Variants in RASGRF1 observed in about 807,000 individuals in gnomAD.
The protein encoded by RASGRF1 is ras-specific guanine nucleotide-releasing factor 1.
A neutral mutation model predicts 138.7 loss-of-function variants in RASGRF1; 40 were observed. That is an observed-to-expected ratio of 0.29 (90% confidence interval 0.22 to 0.38). The LOEUF (loss-of-function observed/expected upper bound fraction) is 0.38. RASGRF1 is among the 10% of genes least tolerant of loss of function. The pLI, the probability that RASGRF1 is intolerant of heterozygous loss-of-function variation, is 1.00. For synonymous variants in RASGRF1, 614 were observed against 663.2 expected (o/e 0.93, Z 1.14); for missense variants, 1,108 against 1,650.4 (o/e 0.67, Z 5.69).
intron 1 of RASGRF1, among the ~76,000 whole-genome samples, chr15:79,077,547 A>C (rs1187578145): frequency 6.6e-6 from 1 of 152,136 alleles, no homozygotes; most frequent in Non-Finnish European, 1.5e-5. Context: ...GGATCCAGCC[A>C]CTGTCCTGAG....
At chr15:78,995,823 G>T in intron 19 of RASGRF1, 23 bp from the exon 20 acceptor site, 1 of 1,613,576 alleles carries the variant, frequency 6.2e-7, no homozygotes, top group Non-Finnish European at 8.5e-7. Context: ...GAGAAGGCAC[G>T]GTGAGCCCCA....
intron 20 of RASGRF1, among the ~76,000 whole-genome samples, chr15:78,993,891 G>A (rs1159823019): frequency 1.3e-5 from 2 of 152,180 alleles, no homozygotes; most frequent in Admixed American, 6.5e-5. Context: ...CCTGGAAGCA[G>A]AGATCAAAAC....
chr15:79,023,107 G>C (rs1373564314), intron 10 of RASGRF1, among the ~76,000 whole-genome samples: 1 of 152,090 alleles, frequency 6.6e-6, no homozygotes, highest in Non-Finnish European at 1.5e-5. Context: ...CCAGGAGGCA[G>C]AGTTCCCAGT....
chr15:79,020,017 C>A, intron 11 of RASGRF1, 24 bp downstream of exon 11: 1 of 1,612,898 alleles, frequency 6.2e-7, no homozygotes, highest in East Asian at 2.2e-5. Context: ...CACACACATG[C>A]GCACATGCAG....
In RASGRF1 at chr15:79,064,337, G is replaced by C. The variant is rs1243635370; in HGVS notation, c.383+83C>G. 4 of 1,323,746 alleles carry C rather than the reference G, an allele frequency of 3.0e-6. No individual in the cohort carries two copies. The East Asian group carries it at 9.2e-5, about 31-fold the overall frequency. 82.0% of individuals were successfully genotyped at this position (1,323,746 alleles called of 1,614,324 possible). ...CATGCCCTCCACTTCATGGGGCTTGGCTTTGTTCAAAGGCCCTTGGGTCTG... is the reference window on the plus strand; with the variant it reads ...CATGCCCTCCACTTCATGGGGCTTGCCTTTGTTCAAAGGCCCTTGGGTCTG... On this transcript the variant is annotated intron_variant, in intron 2 of 26. Coordinates refer to ENST00000558480, the MANE Select transcript of RASGRF1 (RefSeq NM_001145648.3).
At chr15:78,965,083 G>A (rs1242540082) in intron 26 of RASGRF1, among the ~76,000 whole-genome samples, 1 of 152,126 alleles carries the variant, frequency 6.6e-6, no homozygotes, top group East Asian at 1.9e-4. Flanking sequence ...CTAGAATACA[G>A]CCTTTTGCCT....
intron 5 of RASGRF1, among the ~76,000 whole-genome samples, chr15:79,037,519 C>T (rs372190558): frequency 4.1e-4 from 62 of 151,812 alleles, no homozygotes; most frequent in Non-Finnish European, 6.6e-4. Context: ...AATGCCATGG[C>T]GCGATCTCGG....
chr15:79,069,766 C>T (rs746162787), intron 1 of RASGRF1, among the ~76,000 whole-genome samples: 4 of 152,170 alleles, frequency 2.6e-5, no homozygotes, highest in African/African-American at 4.8e-5. Flanking sequence ...CTTGAGGTGC[C>T]TGGGCTGAAA....
rs2057422795 is a variant in RASGRF1 at position 79,050,967 on chromosome 15, G to A, written c.532-1379C>T. Among the ~76,000 whole-genome samples, 1 of 152,180 alleles carries A rather than the reference G, an allele frequency of 6.6e-6. No individual in the cohort carries two copies. Among genetic ancestry groups the A allele is most frequent in the African/African-American group, 2.4e-5 (1 of 41,426 alleles). On this transcript the variant is annotated intron_variant, in intron 3 of 26. Transcript: ENST00000558480. The surrounding 1 kb of genome is among the most constrained non-coding windows in gnomAD (Gnocchi z 4.1). ...ATTGTGCTCCTGGTGCCTAGCGCAA[G>A]GTTGGGCACTCAACACATTCTTGTT...
chr15:78,999,133 A>AG (rs112228468), intron 17 of RASGRF1, among the ~76,000 whole-genome samples: 28,279 of 152,114 alleles, frequency 0.19, 3,021 homozygotes, highest in African/African-American at 0.29. Flanking sequence ...CAGAGCTCAA[A>AG]GGGGCCCCTA....
At chr15:79,004,634 G>A (rs1013567932) in intron 14 of RASGRF1, 19 of 987,530 alleles carry the variant, frequency 1.9e-5, no homozygotes, top group African/African-American at 3.5e-5. Flanking sequence ...TACTCTAAAC[G>A]CAGGGTCCTT....
intron 8 of RASGRF1, among the ~76,000 whole-genome samples, chr15:79,029,745 G>A (rs1244006142): frequency 6.6e-6 from 1 of 152,118 alleles, no homozygotes; most frequent in East Asian, 1.9e-4. Flanking sequence ...AAGGGATGCT[G>A]TCATGGTGAT....
At chr15:79,044,955 A>T (rs988817947) in intron 5 of RASGRF1, among the ~76,000 whole-genome samples, 1 of 152,242 alleles carries the variant, frequency 6.6e-6, no homozygotes, top group African/African-American at 2.4e-5. Context: ...AATGAAGTAT[A>T]ATAAAATTAC....
Position 78,973,429 on chromosome 15 carries a change from C to A in RASGRF1, c.3495-9G>T, listed in dbSNP as rs2055811383. 1.3e-6 allele frequency: 2 copies of A among 1,568,910 alleles called. No individual in the cohort carries two copies. Among genetic ancestry groups the A allele is most frequent in the Non-Finnish European group, 1.7e-6 (2 of 1,143,644 alleles). On this transcript the variant is annotated splice_polypyrimidine_tract_variant and intron_variant, in intron 24 of 26. Coordinates refer to ENST00000558480, the MANE Select transcript of RASGRF1 (RefSeq NM_001145648.3). The surrounding 1 kb of genome is among the most constrained non-coding windows in gnomAD (Gnocchi z 4.9). ...CACAGGGTGGGTCACAACTTGGAAG[C>A]AAACGGCATTAACACAAGTTTTTCA...
At chr15:79,001,629 A>G in intron 16 of RASGRF1, 33 bp downstream of exon 16, 1 of 1,609,568 alleles carries the variant, frequency 6.2e-7, no homozygotes, top group Non-Finnish European at 8.5e-7. Context: ...CAAACTGGAA[A>G]TCTATTTGTG....
In RASGRF1 at chr15:79,090,377, G is replaced by A. The variant is rs765510666; in HGVS notation, c.122C>T (p.Thr41Ile). The A allele has an allele frequency of 1.2e-6, 2 of 1,613,796 alleles. No homozygotes were observed. Among genetic ancestry groups the A allele is most frequent in the South Asian group, 1.1e-5 (1 of 91,082 alleles). Reference protein sequence around the residue: ...KRSSDNTKWQTKWFALLQNLL... With the variant: ...KRSSDNTKWQIKWFALLQNLL... ...GTTCTGCAGCAGCGCGAACCACTTG[G>A]TTTGCCATTTTGTGTTGTCCGAACT... Residue 41 changes from threonine to isoleucine, a missense_variant, in exon 1 of 27, where the codon ACC (threonine) becomes ATC (isoleucine). By Grantham distance (89) the Thr-to-Ile change is moderately conservative (BLOSUM62 -1). This residue lies in a region of RASGRF1 where 253 missense variants were observed against 329.5 expected (regional missense o/e 0.77). Transcript: ENST00000558480.
intron 1 of RASGRF1, among the ~76,000 whole-genome samples, chr15:79,082,027 C>T (rs908067443): frequency 2.0e-5 from 3 of 152,188 alleles, no homozygotes; most frequent in Non-Finnish European, 4.4e-5. Flanking sequence ...TACACTCACA[C>T]CACATACTAT....
At chr15:78,990,304 G>A (rs773862703) in intron 21 of RASGRF1, 31 bp from the exon 22 acceptor site, 1 of 1,468,656 alleles carries the variant, frequency 6.8e-7, no homozygotes, top group African/African-American at 1.4e-5. Context: ...CCCAGGTGGA[G>A]GGGGTGAGGT....
chr15:79,085,185 C>A lies in RASGRF1; in HGVS notation c.276+5038G>T, dbSNP rs192680517. 3.3e-5 allele frequency among the ~76,000 whole-genome samples: 5 copies of A among 152,314 alleles called. No individual in the cohort carries two copies. The East Asian group carries it at 7.7e-4, about 23-fold the overall frequency. On this transcript the variant is annotated intron_variant, in intron 1 of 26. Transcript: ENST00000558480. ...TAAATGCACGTGATGACAGAGGTGACGTTTAGGCTAAGACCTGCAGGAGAA... is the reference window on the plus strand; with the variant it reads ...TAAATGCACGTGATGACAGAGGTGAAGTTTAGGCTAAGACCTGCAGGAGAA...
Sources: gnomAD v4.1 joint callset for allele counts (sites outside exome capture counted in the v4.1 genomes callset) on GRCh38, gnomAD v4.1.1 for gene constraint, gnomAD v4.1.1 regional missense constraint, Gnocchi (gnomAD v3.1) non-coding constraint, MANE v1.5 for transcripts, NCBI Gene and HGNC (gene_info 2026-07-23, HGNC 2026-07-21) for gene names.